CRADD: variants seen among roughly 807,000 people sequenced by gnomAD.
CRADD encodes the protein death domain-containing protein CRADD.
A neutral mutation model predicts 15.5 loss-of-function variants in CRADD; 9 were observed. The ratio of observed to expected loss-of-function variants is 0.58; its 90% CI spans 0.35 to 1.01. The LOEUF is 1.01. Ranked by LOEUF, CRADD falls within the 50% of genes least tolerant of loss-of-function variation. CRADD has a pLI of 0.02. For synonymous variants in CRADD, 118 were observed against 107.6 expected, an observed-to-expected ratio of 1.10 and a Z score of -0.60; for missense variants, 227 against 250.3, an observed-to-expected ratio of 0.91 and a Z score of 0.63.
At chr12:93,812,441 G>A (rs182912786) in intron 2 of CRADD, among the ~76,000 whole-genome samples, 269 of 151,884 alleles carry the variant, frequency 1.8e-3, no homozygotes, top group Non-Finnish European at 2.8e-3. Context: ...TTGGGAGGCC[G>A]AGGTGGGTGG....
At chr12:93,759,229 GC>G (rs1956923142) in intron 2 of CRADD, among the ~76,000 whole-genome samples, 1 of 152,142 alleles carries the variant, frequency 6.6e-6, no homozygotes, top group African/African-American at 2.4e-5. Context: ...ATATAATCTT[GC>G]CTTGGAGGTA....
intron 2 of CRADD, among the ~76,000 whole-genome samples, chr12:93,804,665 T>G (rs770392621): frequency 1.3e-5 from 2 of 152,140 alleles, no homozygotes; most frequent in African/African-American, 4.8e-5. Flanking sequence ...CCTCTACTGT[T>G]GAAATGTGGC....
intron 2 of CRADD, among the ~76,000 whole-genome samples, chr12:93,780,415 C>A (rs1326474032): frequency 6.6e-6 from 1 of 152,078 alleles, no homozygotes; most frequent in Non-Finnish European, 1.5e-5. Context: ...GTTATCAATC[C>A]CATTTACAGA....
intron 2 of CRADD, among the ~76,000 whole-genome samples, chr12:93,774,526 C>A (rs1452640985): frequency 1.3e-5 from 2 of 152,066 alleles, no homozygotes; most frequent in Non-Finnish European, 2.9e-5. Flanking sequence ...CATAGGGTTG[C>A]CCTTGCCTTT....
intron 2 of CRADD, chr12:93,790,829 A>G (rs1957340558): frequency 6.6e-6 from 1 of 152,014 alleles, no homozygotes; most frequent in Non-Finnish European, 1.5e-5. Flanking sequence ...TATGAGCATA[A>G]TCATCTACTT....
chr12:93,730,874 T>A (rs566972915), intron 2 of CRADD, among the ~76,000 whole-genome samples: 26 of 151,850 alleles, frequency 1.7e-4, no homozygotes, highest in Non-Finnish European at 2.9e-4. Context: ...TGCCACCACA[T>A]CTGGCTAATT....
chr12:93,866,088 A>T (rs569798842), intron 2 of CRADD, among the ~76,000 whole-genome samples: 1 of 152,102 alleles, frequency 6.6e-6, no homozygotes, highest in South Asian at 2.1e-4. Context: ...TTTGATTCCA[A>T]TGTTCTTAAA....
chr12:93,688,642 G>A (rs1314330086), intron 2 of CRADD, among the ~76,000 whole-genome samples: 1 of 152,096 alleles, frequency 6.6e-6, no homozygotes, highest in African/African-American at 2.4e-5. Flanking sequence ...ATTTAATCCT[G>A]ACAATAACTT....
intron 2 of CRADD, among the ~76,000 whole-genome samples, chr12:93,750,840 C>G (rs1035736835): frequency 6.6e-6 from 1 of 152,106 alleles, no homozygotes; most frequent in African/African-American, 2.4e-5. Flanking sequence ...ATGGACACAT[C>G]GCAGATGTCA....
intron 2 of CRADD, among the ~76,000 whole-genome samples, chr12:93,782,982 G>A (rs1175149144): frequency 1.3e-5 from 2 of 152,134 alleles, no homozygotes; most frequent in African/African-American, 2.4e-5. Flanking sequence ...CCTCTACTTT[G>A]TTATGTATGG....
intron 2 of CRADD, among the ~76,000 whole-genome samples, chr12:93,726,094 G>GTTTTTTTTTTTTTTTTTTTTTTTT (rs1165429350): frequency 1.2e-4 from 12 of 96,010 alleles, no homozygotes; most frequent in Non-Finnish European, 1.8e-4. Context: ...AAATAGTTTA[G>GTTTTTTTTTTTTTTTTTTTTTTTT]TTTTTTTTTT....
intron 2 of CRADD, among the ~76,000 whole-genome samples, chr12:93,693,053 A>G (rs972968140): frequency 1.1e-4 from 16 of 152,182 alleles, no homozygotes; most frequent in Admixed American, 9.8e-4. Context: ...ATGTTTTTGT[A>G]AGCTTCATGG....
chr12:93,875,456 T>A (rs1958451453), intron 2 of CRADD, among the ~76,000 whole-genome samples: 1 of 151,234 alleles, frequency 6.6e-6, no homozygotes. Flanking sequence ...TGTTTTCTGG[T>A]TGTTTTGTGG....
At chr12:93,695,367 C>T (rs1955678616) in intron 2 of CRADD, among the ~76,000 whole-genome samples, 1 of 152,062 alleles carries the variant, frequency 6.6e-6, no homozygotes, top group Non-Finnish European at 1.5e-5. Flanking sequence ...AGAAGAAAAC[C>T]TAGGGGAAAT....
At position 93,838,218 on chromosome 12, in the gene CRADD, T is replaced by G. The variant is rs546856921; in HGVS notation, c.299-11752T>G. On this transcript the variant is annotated intron_variant, in intron 2 of 2. Transcript: ENST00000332896. ...CTAATTAGTTTTCCTTTTGAGGTTT[T>G]TTTTTTTTTTTTTTTCTTTTTCCAG... is the stretch of plus-strand genomic sequence containing the variant. Among the ~76,000 whole-genome samples the G allele has an allele frequency of 3.4e-5, 5 of 149,032 alleles. No individual in the cohort carries two copies. In the South Asian group the frequency reaches 8.5e-4, roughly 25 times the overall value.
chr12:93,774,104 A>G (rs1284893775), intron 2 of CRADD, among the ~76,000 whole-genome samples: 1 of 150,878 alleles, frequency 6.6e-6, no homozygotes, highest in Non-Finnish European at 1.5e-5. Context: ...CTGAAGTGCT[A>G]GGATTACAGG....
rs749323581 is a variant in CRADD at position 93,678,922 on chromosome 12, G to A, written c.148G>A (p.Gly50Ser). Reference sequence around the variant, plus strand: ...TCAAGAAATCAATGCTCAAACCACAGGCCTCCGGAAAACAATGCTCCTGCT... The same window carrying A: ...TCAAGAAATCAATGCTCAAACCACAAGCCTCCGGAAAACAATGCTCCTGCT... Reference protein sequence around the residue: ...HIQEINAQTTGLRKTMLLLDI... With the variant: ...HIQEINAQTTSLRKTMLLLDI... The change falls in exon 2 of 3, where the codon GGC becomes AGC. Residue 50 changes from glycine (G) to serine (S), a missense_variant. By Grantham distance (56) the Gly-to-Ser change is moderately conservative. Coordinates refer to ENST00000332896, the MANE Select transcript of CRADD (RefSeq NM_003805.5). 3 of 1,614,146 alleles carry A rather than the reference G, an allele frequency of 1.9e-6. No homozygotes were observed. The highest frequency in any genetic ancestry group is 4.5e-5 in the East Asian group (2 of 44,886).
intron 2 of CRADD, among the ~76,000 whole-genome samples, chr12:93,755,900 T>C (rs1202569215): frequency 1.3e-5 from 2 of 152,204 alleles, no homozygotes; most frequent in Non-Finnish European, 2.9e-5. Context: ...TTTGGAAAAT[T>C]TGCTGCTTTT....
chr12:93,687,001 T>G (rs999652308), intron 2 of CRADD, among the ~76,000 whole-genome samples: 5 of 152,242 alleles, frequency 3.3e-5, no homozygotes, highest in African/African-American at 9.6e-5. Context: ...ATTTTATTTT[T>G]ATGAATGCTA....
Sources: allele counts gnomAD v4.1 joint callset (sites outside exome capture counted in the v4.1 genomes callset), GRCh38; gene constraint gnomAD v4.1.1; transcripts MANE v1.5; gene names NCBI Gene and HGNC (gene_info 2026-07-23, HGNC 2026-07-21).